Variants in WWC2 observed in about 807,000 individuals in gnomAD.
WWC2 encodes WW and C2 domain containing 2.
In WWC2, 101 loss-of-function variants were observed where a neutral mutation model predicts 138.5. That is an observed-to-expected ratio of 0.73 (90% confidence interval 0.62 to 0.86). The LOEUF (loss-of-function observed/expected upper bound fraction) is 0.86, where lower values mean the gene tolerates loss of function less well. WWC2 is among the 40% of genes least tolerant of loss of function. WWC2 has a pLI of 0.00. For missense variants in WWC2, 1,420 were observed against 1,419.4 expected, an observed-to-expected ratio of 1.00 and a Z score of -0.01; for synonymous variants, 558 against 538.4, an observed-to-expected ratio of 1.04 and a Z score of -0.50.
At chr4:183,189,180 A>G (rs1027735737) in intron 1 of WWC2, among the ~76,000 whole-genome samples, 3 of 151,868 alleles carry the variant, frequency 2.0e-5, no homozygotes, top group Non-Finnish European at 4.4e-5. Flanking sequence ...CATGCCTGTA[A>G]TCCTAGCACT....
In WWC2 at chr4:183,134,873, G is replaced by C. The variant is rs189416927; in HGVS notation, c.131+35251G>C. Among the ~76,000 whole-genome samples, 14 of 151,364 alleles carry C rather than the reference G, an allele frequency of 9.2e-5. No homozygotes were observed. The East Asian group carries it at 2.7e-3, about 29-fold the overall frequency. On this transcript the variant is annotated intron_variant, in intron 1 of 22. Transcript: ENST00000403733. ...GTAATTTCCTTATTTTCCTTGTTTAGATGTGTCTTTTGAACATGATATATT... is the reference window on the plus strand; with the variant it reads ...GTAATTTCCTTATTTTCCTTGTTTACATGTGTCTTTTGAACATGATATATT...
chr4:183,171,952 G>A (rs1734300803), intron 1 of WWC2, among the ~76,000 whole-genome samples: 1 of 152,268 alleles, frequency 6.6e-6, no homozygotes, highest in Admixed American at 6.5e-5. Flanking sequence ...TCAGTAGTCT[G>A]TGTGTACATT....
intron 4 of WWC2, among the ~76,000 whole-genome samples, chr4:183,215,137 A>T (rs1203826771): frequency 6.6e-6 from 1 of 152,222 alleles, no homozygotes; most frequent in Non-Finnish European, 1.5e-5. Context: ...CATACCTGTG[A>T]TAAAGTTTAA....
intron 1 of WWC2, among the ~76,000 whole-genome samples, chr4:183,125,087 A>G (rs17355396): frequency 0.042 from 6,462 of 152,184 alleles, 168 homozygotes; most frequent in African/African-American, 0.07. Context: ...CCGATGCAGG[A>G]ATAAGGGCTG....
intron 6 of WWC2, among the ~76,000 whole-genome samples, chr4:183,246,754 C>T (rs1456902199): frequency 1.3e-5 from 2 of 152,100 alleles, no homozygotes; most frequent in Admixed American, 6.5e-5. Context: ...TCTGGGTTAA[C>T]GTGGTTTTAA....
At chr4:183,221,251 T>C (rs1735927683) in intron 4 of WWC2, among the ~76,000 whole-genome samples, 1 of 152,170 alleles carries the variant, frequency 6.6e-6, no homozygotes, top group African/African-American at 2.4e-5. Flanking sequence ...GACATAAGAA[T>C]CTTAAAGATG....
At chr4:183,216,805 A>G (rs1735771854) in intron 4 of WWC2, among the ~76,000 whole-genome samples, 1 of 152,224 alleles carries the variant, frequency 6.6e-6, no homozygotes, top group Admixed American at 6.5e-5. Flanking sequence ...GAAGAGAGCA[A>G]GAGCAGGCAA....
At chr4:183,105,999 A>G (rs1243738735) in intron 1 of WWC2, among the ~76,000 whole-genome samples, 2 of 148,928 alleles carry the variant, frequency 1.3e-5, no homozygotes, top group East Asian at 1.9e-4. Flanking sequence ...TTTTTTTTTG[A>G]CAAGAGTTTT....
rs867990189 is a variant in WWC2 at position 183,154,024 on chromosome 4, A to T, written c.132-39575A>T. Reference sequence around the variant, plus strand: ...AAGCAAAAAAAAAAAAAAAAAAAAAAAAAACCCCAAATCTAATTCATCATT... The same window carrying T: ...AAGCAAAAAAAAAAAAAAAAAAAAATAAAACCCCAAATCTAATTCATCATT... On this transcript the variant is annotated intron_variant, in intron 1 of 22. Coordinates refer to ENST00000403733, the MANE Select transcript of WWC2 (RefSeq NM_024949.6). Among the ~76,000 whole-genome samples the T allele has an allele frequency of 2.7e-5, 4 of 150,094 alleles. No individual in the cohort carries two copies. The South Asian group carries it at 8.4e-4, about 32-fold the overall frequency.
At chr4:183,100,141 C>T (rs1743126525) in intron 1 of WWC2, among the ~76,000 whole-genome samples, 1 of 152,192 alleles carries the variant, frequency 6.6e-6, no homozygotes, top group Non-Finnish European at 1.5e-5. Flanking sequence ...GGGGCTCCCG[C>T]CCCCCGCCGG....
chr4:183,293,482 C>G (rs536511834), intron 21 of WWC2, among the ~76,000 whole-genome samples: 1 of 152,100 alleles, frequency 6.6e-6, no homozygotes, highest in African/African-American at 2.4e-5. Flanking sequence ...AAGCTCCTCA[C>G]CTTGATAAAG....
chr4:183,307,037 ATTT>A (rs1317872079), intron 21 of WWC2, among the ~76,000 whole-genome samples: 2 of 152,206 alleles, frequency 1.3e-5, no homozygotes, highest in Non-Finnish European at 2.9e-5. Context: ...AGAGTACTTC[ATTT>A]AATGACAACA....
intron 1 of WWC2, among the ~76,000 whole-genome samples, chr4:183,104,752 A>T (rs1305003726): frequency 6.6e-6 from 1 of 152,180 alleles, no homozygotes; most frequent in Non-Finnish European, 1.5e-5. Flanking sequence ...TTTTTAACAC[A>T]GTTTGGTATA....
intron 11 of WWC2, 98 bp downstream of exon 11, chr4:183,261,630 C>T: frequency 7.4e-7 from 1 of 1,342,528 alleles, no homozygotes; most frequent in Non-Finnish European, 9.9e-7. Flanking sequence ...GTATGATTCC[C>T]CTTCTCTTTC....
Position 183,118,911 on chromosome 4 carries a change from T to G in WWC2, c.131+19289T>G, listed in dbSNP as rs77994105. On this transcript the variant is annotated intron_variant, in intron 1 of 22. Transcript: ENST00000403733. The stretch of plus-strand genomic sequence containing the variant: ...GAAGGGTCATGATTTATCTGAAATA[T>G]CTCAACTTTTTTTTTTTTTGTAATC... Among the ~76,000 whole-genome samples the G allele has an allele frequency of 1.0e-3, 156 of 151,826 alleles. 2 individuals are homozygous for G. The East Asian group carries it at 0.016, about 16-fold the overall frequency.
At chr4:183,281,068 T>A in intron 17 of WWC2, 171 bp downstream of exon 17, 2 of 928,448 alleles carry the variant, frequency 2.2e-6, no homozygotes, top group Non-Finnish European at 3.0e-6. Flanking sequence ...GTTAAGGAAG[T>A]AATGGCAAGA....
At chr4:183,308,849 C>G (rs1351680502) in intron 21 of WWC2, among the ~76,000 whole-genome samples, 1 of 152,148 alleles carries the variant, frequency 6.6e-6, no homozygotes, top group Non-Finnish European at 1.5e-5. Flanking sequence ...ACAGTTGCAA[C>G]CATCCATTTT....
chr4:183,219,172 C>T (rs761416772), intron 4 of WWC2, among the ~76,000 whole-genome samples: 9 of 151,918 alleles, frequency 5.9e-5, no homozygotes, highest in Non-Finnish European at 1.2e-4. Context: ...CAGTGGTTAC[C>T]AGGGGCTGAG....
intron 19 of WWC2, 44 bp downstream of exon 19, chr4:183,284,434 C>T: frequency 1.3e-6 from 2 of 1,595,512 alleles, no homozygotes; most frequent in Non-Finnish European, 1.7e-6. Context: ...ACTGCAGCTT[C>T]TTCCCTGCTG....
Sources: allele counts gnomAD v4.1 joint callset (sites outside exome capture counted in the v4.1 genomes callset), GRCh38; gene constraint gnomAD v4.1.1; transcripts MANE v1.5; gene names NCBI Gene and HGNC (gene_info 2026-07-23, HGNC 2026-07-21).